Variants in ABCB4 observed in about 807,000 individuals in gnomAD.
The protein encoded by ABCB4 is phosphatidylcholine translocator ABCB4.
ABCB4 carries 76 observed loss-of-function variants against 145.7 expected under a neutral mutation model. The observed-to-expected ratio is 0.52, with a 90% confidence interval of 0.43 to 0.63. The LOEUF is 0.63. ABCB4 is among the 30% of genes least tolerant of loss of function. The pLI is 0.00. For missense variants in ABCB4, 1,234 were observed against 1,553.1 expected (o/e 0.79, Z 3.45); for synonymous variants, 517 against 566.8 (o/e 0.91, Z 1.25).
chr7:87,425,887 T>C (rs918456369), intron 16 of ABCB4, among the ~76,000 whole-genome samples: 1 of 151,920 alleles, frequency 6.6e-6, no homozygotes, highest in Non-Finnish European at 1.5e-5. Flanking sequence ...AAAAATAAAA[T>C]TAAAAATAAA....
At chr7:87,399,945 A>G (rs1360118247), downstream of ABCB4, 4 of 152,092 alleles carry the variant, frequency 2.6e-5, no homozygotes, top group Non-Finnish European at 5.9e-5. Context: ...GCCTGTGTTT[A>G]TTTGTACAGC....
At chr7:87,377,937 T>C in the ABCB4 span, among the ~76,000 whole-genome samples, 13 of 152,272 alleles carry the variant, frequency 8.5e-5, 2 homozygotes, top group African/African-American at 2.9e-4. Flanking sequence ...TCATAAAAAA[T>C]GAACAACTTT....
intron 4 of ABCB4, among the ~76,000 whole-genome samples, chr7:87,456,121 T>C (rs1812086114): frequency 6.6e-6 from 1 of 152,214 alleles, no homozygotes; most frequent in Non-Finnish European, 1.5e-5. Context: ...GAAGAGTATT[T>C]GGAACTAGAG....
At chr7:87,368,067 A>T in the ABCB4 span, among the ~76,000 whole-genome samples, 1 of 152,046 alleles carries the variant, frequency 6.6e-6, no homozygotes, top group Non-Finnish European at 1.5e-5. Context: ...AACCTTATCT[A>T]CCACTCTATC....
chr7:87,377,498 T>A, the ABCB4 span: 1 of 1,068,650 alleles, frequency 9.4e-7, no homozygotes, highest in Non-Finnish European at 1.4e-6. Context: ...TAGGTTAAAT[T>A]AATGACAATA....
At chr7:87,417,256 T>C in intron 21 of ABCB4, 56 bp downstream of exon 21, 1 of 1,533,640 alleles carries the variant, frequency 6.5e-7, no homozygotes, top group Admixed American at 1.7e-5. Context: ...ATAATTCAAA[T>C]AAAACACATG....
chr7:87,438,072 C>A (rs1236854171), intron 14 of ABCB4, among the ~76,000 whole-genome samples: 1 of 152,098 alleles, frequency 6.6e-6, no homozygotes, highest in Non-Finnish European at 1.5e-5. Flanking sequence ...TTTAGCACAG[C>A]AAGAACTATA....
chr7:87,446,120 C>G (rs1375594957), intron 9 of ABCB4, among the ~76,000 whole-genome samples: 1 of 152,138 alleles, frequency 6.6e-6, no homozygotes, highest in Non-Finnish European at 1.5e-5. Flanking sequence ...TGAGGGCTCA[C>G]CAAGTCGAAC....
intron 15 of ABCB4, 45 bp downstream of exon 15, chr7:87,431,359 A>G (rs755333772): frequency 6.2e-7 from 1 of 1,612,226 alleles, no homozygotes; most frequent in Non-Finnish European, 8.5e-7. Context: ...AAAGAACACT[A>G]TATTGAGGAG....
intron 14 of ABCB4, among the ~76,000 whole-genome samples, chr7:87,433,799 T>C (rs1478255548): frequency 7.9e-5 from 12 of 151,978 alleles, no homozygotes; most frequent in African/African-American, 2.9e-4. Flanking sequence ...TAATTTGGGA[T>C]GTTCAGGGAT....
the ABCB4 span, among the ~76,000 whole-genome samples, chr7:87,388,650 T>C: frequency 6.6e-6 from 1 of 152,160 alleles, no homozygotes; most frequent in African/African-American, 2.4e-5. Context: ...GACTTAAACA[T>C]AAGACCTAAA....
chr7:87,471,363 A>C (rs1024131713), intron 3 of ABCB4, among the ~76,000 whole-genome samples: 35 of 152,302 alleles, frequency 2.3e-4, no homozygotes, highest in African/African-American at 7.7e-4. Context: ...TTAAAGTATA[A>C]TTTAAACAAA....
At chr7:87,470,454 AT>A (rs1211671773) in intron 3 of ABCB4, among the ~76,000 whole-genome samples, 1 of 152,120 alleles carries the variant, frequency 6.6e-6, no homozygotes, top group Non-Finnish European at 1.5e-5. Flanking sequence ...ATGGGAGAAA[AT>A]TTTTGCAATC....
At chr7:87,451,153 T>TTTTTTA (rs1170451356) in intron 7 of ABCB4, among the ~76,000 whole-genome samples, 2 of 151,854 alleles carry the variant, frequency 1.3e-5, no homozygotes, top group African/African-American at 4.8e-5. Context: ...TTTTTTTTTT[T>TTTTTTA]GAGATGAAGT....
Position 87,443,410 on chromosome 7 carries a change from C to T in ABCB4, c.1265G>A (p.Gly422Glu). 6.2e-7 allele frequency: 1 copy of T among 1,614,022 alleles called. No homozygotes were observed. Among genetic ancestry groups the T allele is most frequent in the Non-Finnish European group, 8.5e-7 (1 of 1,180,000 alleles). The stretch of plus-strand genomic sequence containing the variant: ...ACTTCCAACCAGGGCCACCGTCTGC[C>T]CACTCTGCACCTTCAGGTTGAGGCC... Reference protein sequence around the residue: ...LKGLNLKVQSGQTVALVGSSG... With the variant: ...LKGLNLKVQSEQTVALVGSSG... The change falls in exon 12 of 28, where the codon GGG becomes GAG. Residue 422 changes from glycine to glutamate, a missense_variant. Physicochemically the swap from Gly to Glu is moderately conservative, Grantham distance 98. Coordinates refer to ENST00000649586, the MANE Select transcript of ABCB4 (RefSeq NM_000443.4).
At chr7:87,447,516 G>A (rs979528246) in intron 8 of ABCB4, among the ~76,000 whole-genome samples, 6 of 152,146 alleles carry the variant, frequency 3.9e-5, no homozygotes, top group Admixed American at 2.0e-4. Flanking sequence ...TCACCTTCAC[G>A]GCAATATCAC....
chr7:87,439,148 T>C (rs31674), intron 14 of ABCB4, among the ~76,000 whole-genome samples: 103,412 of 151,978 alleles, frequency 0.68, 37,205 homozygotes, highest in Non-Finnish European at 0.79. Context: ...CTTAGAAATA[T>C]CTGAGCTGGA....
intron 23 of ABCB4, among the ~76,000 whole-genome samples, chr7:87,411,603 T>C (rs1356528029): frequency 1.3e-5 from 2 of 152,208 alleles, no homozygotes; most frequent in African/African-American, 4.8e-5. Context: ...TTTTTCTGCC[T>C]ATATTCTATA....
At position 87,426,944 on chromosome 7, in the gene ABCB4, AGTGTGTGTGT is replaced by A. The variant is rs10647775; in HGVS notation, c.1894-34_1894-25del. The A allele has an allele frequency of 2.3e-4, 234 of 1,032,960 alleles. No individual in the cohort carries two copies. In the African/African-American group the frequency reaches 2.4e-3, roughly 11 times the overall value. 64.0% of individuals were successfully genotyped at this position (1,032,960 alleles called of 1,614,324 possible). On this transcript the variant is annotated intron_variant, in intron 15 of 27. Coordinates refer to ENST00000649586, the MANE Select transcript of ABCB4 (RefSeq NM_000443.4). ...GTCTGAAAGAATATCAAGACATTAA[AGTGTGTGTGT>A]GTGTGTGTGTGTGTGTGTGTGTGTG...
Sources: allele counts gnomAD v4.1 joint callset (sites outside exome capture counted in the v4.1 genomes callset), GRCh38; gene constraint gnomAD v4.1.1; transcripts MANE v1.5; gene names NCBI Gene and HGNC (gene_info 2026-07-23, HGNC 2026-07-21).